CDH12: variants seen among roughly 807,000 people sequenced by gnomAD.
The protein encoded by CDH12 is cadherin-12.
Under a neutral mutation model 74.1 loss-of-function variants are expected in CDH12, and 41 were observed. The observed-to-expected ratio is 0.55, with a 90% CI of 0.43 to 0.72. The LOEUF (loss-of-function observed/expected upper bound fraction) is 0.72, where lower values mean the gene tolerates loss of function less well. CDH12 is among the 30% of genes least tolerant of loss of function. CDH12 has a pLI of 0.00. For missense variants in CDH12, 945 were observed against 977.2 expected (o/e 0.97, Z 0.44); for synonymous variants, 399 against 355.0 (o/e 1.12, Z -1.39).
rs12332455 is a variant in CDH12 at position 22,778,586 on chromosome 5, A to G, written c.-523+74472T>C. The stretch of plus-strand genomic sequence containing the variant: ...TATAAATATAATGTGTTTGGCATCA[A>G]TAAAGCAAAACATATTCCTAAGTGA... On this transcript the variant is annotated intron_variant, in intron 1 of 14. Coordinates refer to ENST00000382254, the MANE Select transcript of CDH12 (RefSeq NM_004061.5). Among the ~76,000 whole-genome samples the G allele has an allele frequency of 2.4e-3, 366 of 152,304 alleles. 2 individuals are homozygous for G. Among genetic ancestry groups the G allele is most frequent in the African/African-American group, 8.1e-3 (336 of 41,572 alleles).
chr5:22,072,722 C>G (rs936351685), intron 5 of CDH12, among the ~76,000 whole-genome samples: 4 of 152,100 alleles, frequency 2.6e-5, no homozygotes, highest in Admixed American at 1.3e-4. Context: ...ATCCCTCCCC[C>G]CTCTCCCCAC....
rs1033771756 is a variant in CDH12 at position 22,115,958 on chromosome 5, G to A, written c.-186-37096C>T. ...GCCTGGCTTGGCCTAGGAAAGTGCTGGGATTACAGGCATGAGCCACTGTGC... is the reference window on the plus strand; with the variant it reads ...GCCTGGCTTGGCCTAGGAAAGTGCTAGGATTACAGGCATGAGCCACTGTGC... On this transcript the variant is annotated intron_variant, in intron 4 of 14. Transcript: ENST00000382254. Among the ~76,000 whole-genome samples the A allele has an allele frequency of 3.3e-5, 5 of 152,028 alleles. No individual in the cohort carries two copies. In the South Asian group the frequency reaches 1.0e-3, roughly 32 times the overall value.
chr5:21,796,917 G>A (rs905017787), intron 10 of CDH12, among the ~76,000 whole-genome samples: 10 of 152,074 alleles, frequency 6.6e-5, no homozygotes, highest in East Asian at 1.9e-4. Flanking sequence ...ATCCAGTCTC[G>A]TTTGACTCAC....
chr5:22,744,054 C>T (rs1333508558), intron 1 of CDH12, among the ~76,000 whole-genome samples: 2 of 152,040 alleles, frequency 1.3e-5, no homozygotes, highest in East Asian at 1.9e-4. Context: ...CATTCCAGAA[C>T]ATGTAACACC....
chr5:21,803,792 G>C (rs1016143440), intron 9 of CDH12, among the ~76,000 whole-genome samples: 5 of 152,116 alleles, frequency 3.3e-5, no homozygotes, highest in Non-Finnish European at 7.4e-5. Flanking sequence ...GTCAGTACCT[G>C]TTCCTTTACT....
At chr5:22,590,144 C>T (rs1413077228) in intron 1 of CDH12, among the ~76,000 whole-genome samples, 1 of 151,970 alleles carries the variant, frequency 6.6e-6, no homozygotes, top group Non-Finnish European at 1.5e-5. Flanking sequence ...GGATAATGTA[C>T]CTAAATGATA....
At chr5:22,017,767 T>G (rs1456386426) in intron 5 of CDH12, among the ~76,000 whole-genome samples, 1 of 151,778 alleles carries the variant, frequency 6.6e-6, no homozygotes, top group Non-Finnish European at 1.5e-5. Flanking sequence ...TCCATTCTTT[T>G]TTTTTTTTTT....
chr5:22,241,540 A>C (rs1265030386), intron 3 of CDH12, among the ~76,000 whole-genome samples: 2 of 152,036 alleles, frequency 1.3e-5, no homozygotes, highest in Admixed American at 1.3e-4. Context: ...TTTAAAAAGA[A>C]AAAATAGTGT....
At chr5:22,762,501 T>C (rs967087330) in intron 1 of CDH12, among the ~76,000 whole-genome samples, 1 of 152,110 alleles carries the variant, frequency 6.6e-6, no homozygotes, top group African/African-American at 2.4e-5. Flanking sequence ...GTGTTAATGA[T>C]TCTTATTTCT....
intron 3 of CDH12, among the ~76,000 whole-genome samples, chr5:22,394,870 AGAG>A (rs1427455007): frequency 1.3e-5 from 2 of 152,136 alleles, no homozygotes; most frequent in African/African-American, 4.8e-5. Flanking sequence ...AATGATATAT[AGAG>A]GAGATTATAA....
At chr5:21,907,881 A>T (rs1485068933) in intron 6 of CDH12, among the ~76,000 whole-genome samples, 1 of 152,212 alleles carries the variant, frequency 6.6e-6, no homozygotes, top group African/African-American at 2.4e-5. Context: ...TTTCTGTTTT[A>T]AAATGGACAT....
chr5:22,803,839 AC>A (rs1581016266), intron 1 of CDH12, among the ~76,000 whole-genome samples: 2 of 151,934 alleles, frequency 1.3e-5, no homozygotes, highest in Non-Finnish European at 2.9e-5. Context: ...TGACATCAAA[AC>A]CCAATCTGGG....
At chr5:22,600,981 T>G (rs1370494207) in intron 1 of CDH12, among the ~76,000 whole-genome samples, 1 of 152,104 alleles carries the variant, frequency 6.6e-6, no homozygotes, top group African/African-American at 2.4e-5. Flanking sequence ...TATTTAACAC[T>G]TGTAAATGAA....
At chr5:22,125,727 C>T (rs150045791) in intron 4 of CDH12, among the ~76,000 whole-genome samples, 2 of 152,156 alleles carry the variant, frequency 1.3e-5, no homozygotes, top group Non-Finnish European at 2.9e-5. Flanking sequence ...ATGTACACAT[C>T]CCAGTGTTTC....
At position 22,189,377 on chromosome 5, in the gene CDH12, A is replaced by G. The variant is rs565303192; in HGVS notation, c.-187+23121T>C. Among the ~76,000 whole-genome samples, 128 of 152,296 alleles carry G rather than the reference A, an allele frequency of 8.4e-4. 2 individuals carry two copies. Among genetic ancestry groups the G allele is most frequent in the African/African-American group, 2.9e-3 (120 of 41,574 alleles). On this transcript the variant is annotated intron_variant, in intron 4 of 14. Coordinates refer to ENST00000382254, the MANE Select transcript of CDH12 (RefSeq NM_004061.5). Reference sequence around the variant, plus strand: ...ACATGAGAGGTTGATAAATATTAATAATATTTTAAAAATCAATAACATTAT... The same window carrying G: ...ACATGAGAGGTTGATAAATATTAATGATATTTTAAAAATCAATAACATTAT...
intron 4 of CDH12, among the ~76,000 whole-genome samples, chr5:22,133,075 C>A (rs1269150023): frequency 6.6e-6 from 1 of 152,038 alleles, no homozygotes; most frequent in African/African-American, 2.4e-5. Context: ...GACACATAAG[C>A]AGAAATTTAA....
intron 7 of CDH12, among the ~76,000 whole-genome samples, chr5:21,849,312 G>C (rs1385951396): frequency 6.6e-6 from 1 of 151,602 alleles, no homozygotes; most frequent in African/African-American, 2.4e-5. Flanking sequence ...TATTTTTGCT[G>C]ATGTGTTCAT....
intron 1 of CDH12, among the ~76,000 whole-genome samples, chr5:22,616,112 G>T (rs1737675330): frequency 6.6e-6 from 1 of 152,016 alleles, no homozygotes; most frequent in African/African-American, 2.4e-5. Context: ...TCACCCATAA[G>T]ATAAAATTGT....
chr5:22,109,900 T>C (rs527240493), intron 4 of CDH12, among the ~76,000 whole-genome samples: 1 of 152,192 alleles, frequency 6.6e-6, no homozygotes, highest in South Asian at 2.1e-4. Flanking sequence ...GAAGCCCTCA[T>C]AAGGACAGGA....
Sources: allele counts gnomAD v4.1 joint callset (sites outside exome capture counted in the v4.1 genomes callset), GRCh38; gene constraint gnomAD v4.1.1; transcripts MANE v1.5; gene names NCBI Gene and HGNC (gene_info 2026-07-23, HGNC 2026-07-21).